ESRRG: variants seen among roughly 807,000 people sequenced by gnomAD.
ESRRG encodes the protein estrogen related receptor gamma.
ESRRG carries 13 observed loss-of-function variants against 44.0 expected under a neutral mutation model. That is an observed-to-expected ratio of 0.30 (90% CI 0.19 to 0.47). The LOEUF (loss-of-function observed/expected upper bound fraction) is 0.47, where lower values mean the gene tolerates loss of function less well. Among genes scored for constraint, ESRRG ranks in the 20% least tolerant of loss-of-function variants. The probability of loss-of-function intolerance (pLI) is 1.00; values close to 1 mark genes in which losing one functional copy is unlikely to be tolerated. For missense variants in ESRRG, 395 were observed against 580.6 expected (o/e 0.68, Z 3.29); for synonymous variants, 215 against 214.6 (o/e 1.00, Z -0.02).
intron 3 of ESRRG, among the ~76,000 whole-genome samples, chr1:216,647,232 A>C (rs1176399107): frequency 1.3e-5 from 2 of 152,198 alleles, no homozygotes. Flanking sequence ...CAGATATCAT[A>C]TAATAGATGG....
chr1:216,930,768 G>A (rs1358580746), intron 2 of ESRRG, among the ~76,000 whole-genome samples: 2 of 152,190 alleles, frequency 1.3e-5, no homozygotes, highest in Non-Finnish European at 2.9e-5. Context: ...CAGGAAGGAG[G>A]TGACATTTAA....
chr1:216,992,874 T>C (rs1192307064), intron 1 of ESRRG, among the ~76,000 whole-genome samples: 1 of 152,178 alleles, frequency 6.6e-6, no homozygotes, highest in Non-Finnish European at 1.5e-5. Flanking sequence ...TGTCCTTCCG[T>C]CTTTGTTCAG....
At chr1:217,021,069 C>CACACACAT (rs1553776587) in intron 1 of ESRRG, among the ~76,000 whole-genome samples, 2 of 151,474 alleles carry the variant, frequency 1.3e-5, no homozygotes, top group African/African-American at 4.9e-5. Context: ...CACACACACA[C>CACACACAT]ACACACATAC....
intron 3 of ESRRG, among the ~76,000 whole-genome samples, chr1:216,642,311 T>C (rs1296552919): frequency 6.6e-6 from 1 of 152,088 alleles, no homozygotes. Flanking sequence ...CTAAGGTATA[T>C]TCAGCTCTCA....
intron 2 of ESRRG, among the ~76,000 whole-genome samples, chr1:216,789,123 T>TGG (rs2148041007): frequency 6.6e-6 from 1 of 152,294 alleles, no homozygotes; most frequent in Admixed American, 6.5e-5. Flanking sequence ...GCAGCAGGGT[T>TGG]GGAGAGGATT....
chr1:216,768,531 C>T (rs1222574136), intron 2 of ESRRG, among the ~76,000 whole-genome samples: 2 of 143,176 alleles, frequency 1.4e-5, no homozygotes, highest in Non-Finnish European at 3.1e-5. Context: ...ACTTTGTCAC[C>T]CAGGCTAGAA....
At position 216,787,578 on chromosome 1, in the gene ESRRG, G is replaced by A. The variant is rs544394527; in HGVS notation, c.-13-110087C>T. Among the ~76,000 whole-genome samples, 15 of 144,260 alleles carry A rather than the reference G, an allele frequency of 1.0e-4. 1 individual carries two copies. In the East Asian group the frequency reaches 3.0e-3, roughly 29 times the overall value. The allele number at this position is 144,260 out of a possible 152,430, so 94.6% of individuals were successfully genotyped here. On this transcript the variant is annotated intron_variant, in intron 2 of 7. Coordinates refer to the ESRRG transcript ENST00000359162. ...GATGATACTACTGCACTCCAGCCTG[G>A]GTGACAGAGCAAGACTCCATCAAAA...
intron 1 of ESRRG, among the ~76,000 whole-genome samples, chr1:216,944,822 C>G (rs2150009373): frequency 1.3e-5 from 2 of 152,150 alleles, no homozygotes; most frequent in East Asian, 3.9e-4. Context: ...GCTTTTCTCT[C>G]TCTGGGGGAA....
At chr1:216,971,514 A>G (rs2071655524) in intron 1 of ESRRG, among the ~76,000 whole-genome samples, 1 of 152,240 alleles carries the variant, frequency 6.6e-6, no homozygotes, top group Non-Finnish European at 1.5e-5. Flanking sequence ...GCCATGAAAC[A>G]GTTACCAAAA....
chr1:216,622,608 T>TCACACA (rs769882782), intron 3 of ESRRG, among the ~76,000 whole-genome samples: 89 of 136,936 alleles, frequency 6.5e-4, no homozygotes, highest in Non-Finnish European at 9.8e-4. Context: ...CAAATGAAAA[T>TCACACA]TACACACACG....
chr1:216,892,364 C>G (rs1323314183), intron 2 of ESRRG, among the ~76,000 whole-genome samples: 2 of 152,078 alleles, frequency 1.3e-5, no homozygotes, highest in Non-Finnish European at 2.9e-5. Flanking sequence ...GGCATACTTC[C>G]TGATTTTTGG....
At chr1:217,099,468 T>G (rs1240330876) in intron 1 of ESRRG, among the ~76,000 whole-genome samples, 1 of 152,188 alleles carries the variant, frequency 6.6e-6, no homozygotes, top group African/African-American at 2.4e-5. Flanking sequence ...AAAGCACATG[T>G]GCTAGATATT....
chr1:217,131,893 T>C (rs1420159911), intron 1 of ESRRG, among the ~76,000 whole-genome samples: 1 of 152,200 alleles, frequency 6.6e-6, no homozygotes, highest in Admixed American at 6.5e-5. Context: ...GCCTCAGCTC[T>C]TTGCCTTGAA....
In ESRRG at chr1:216,506,340, G is replaced by T. The variant is rs905016889; in HGVS notation, c.*599C>A. ...TAAGTTCACTGGCATCCATATTATG[G>T]ATCTCCATCCTTTGGCAGGGCTGGC... On this transcript the variant is annotated 3_prime_UTR_variant, in exon 7 of 7. Transcript: ENST00000408911. The T allele has an allele frequency of 3.5e-6, 1 of 282,024 alleles. No individual in the cohort carries two copies. The highest frequency in any genetic ancestry group is 4.6e-5 in the Admixed American group (1 of 21,848). The allele number at this position is 282,024 out of a possible 1,614,324, so 17.5% of individuals were successfully genotyped here.
chr1:216,887,803 T>C (rs2149371623), intron 2 of ESRRG, among the ~76,000 whole-genome samples: 1 of 152,268 alleles, frequency 6.6e-6, no homozygotes. Flanking sequence ...TCCATAGAAC[T>C]TTCATATAAA....
At position 217,003,289 on chromosome 1, in the gene ESRRG, A is replaced by G. The variant is rs144037309; in HGVS notation, c.-105-63616T>C. On this transcript the variant is annotated intron_variant, in intron 1 of 7. Transcript: ENST00000359162. ...AATAATGGCCATACTTAATAGCTTGAGCAAATTACTTAAACTAATCAAGTC... is the reference window on the plus strand; with the variant it reads ...AATAATGGCCATACTTAATAGCTTGGGCAAATTACTTAAACTAATCAAGTC... Among the ~76,000 whole-genome samples, 1,233 of 152,260 alleles carry G rather than the reference A, an allele frequency of 8.1e-3. 17 individuals are homozygous for G. The highest frequency in any genetic ancestry group is 0.028 in the African/African-American group (1,182 of 41,554).
At position 216,507,029 on chromosome 1, in the gene ESRRG, G is replaced by A. The variant is rs752961211; in HGVS notation, c.1287C>T (p.Thr429=). Residue 429 remains threonine (T), a synonymous_variant, in exon 7 of 7, where the codon ACC becomes ACT. Transcript: ENST00000408911. ...MTLPLLRQTS[T]KAVQHFYNIK... The stretch of plus-strand genomic sequence containing the variant: ...TGTTGTAGAAATGCTGCACGGCCTT[G>A]GTAGAGGTCTGCCTCAGGAGTGGCA... The A allele has an allele frequency of 1.2e-6, 2 of 1,614,126 alleles. No homozygotes were observed. Among genetic ancestry groups the A allele is most frequent in the East Asian group, 4.5e-5 (2 of 44,880 alleles).
intron 2 of ESRRG, among the ~76,000 whole-genome samples, chr1:216,848,401 T>C (rs2095792602): frequency 6.6e-6 from 1 of 151,422 alleles, no homozygotes; most frequent in African/African-American, 2.4e-5. Flanking sequence ...TTCTTGGCTT[T>C]TTTTTTTTTT....
At chr1:217,110,003 C>G (rs1180567777) in intron 1 of ESRRG, among the ~76,000 whole-genome samples, 2 of 152,148 alleles carry the variant, frequency 1.3e-5, no homozygotes, top group South Asian at 4.1e-4. Context: ...GCTTCTAATT[C>G]TAAGCCCATC....
Sources: allele counts gnomAD v4.1 joint callset (sites outside exome capture counted in the v4.1 genomes callset), GRCh38; gene constraint gnomAD v4.1.1; transcripts MANE v1.5; gene names NCBI Gene and HGNC (gene_info 2026-07-23, HGNC 2026-07-21).